The following LYSMD3 variants were observed in gnomAD, a reference collection of about 807,000 sequenced individuals.
LYSMD3 encodes lysM and putative peptidoglycan-binding domain-containing protein 3.
In LYSMD3, 13 loss-of-function variants were observed where a neutral mutation model predicts 26.1. The ratio of observed to expected loss-of-function variants is 0.50; its 90% CI spans 0.32 to 0.79. LYSMD3 has a LOEUF of 0.79. Ranked by LOEUF, LYSMD3 falls within the 30% of genes least tolerant of loss-of-function variation. The pLI, the probability that LYSMD3 is intolerant of heterozygous loss-of-function variation, is 0.03. For synonymous variants in LYSMD3, 109 were observed against 119.4 expected, an observed-to-expected ratio of 0.91 and a Z score of 0.57; for missense variants, 331 against 362.5, an observed-to-expected ratio of 0.91 and a Z score of 0.71.
Position 90,519,154 on chromosome 5 carries a change from A to G in LYSMD3, c.586T>C (p.Phe196Leu). The change falls in exon 3 of 3, where the codon TTT (phenylalanine) becomes CTT (leucine). Residue 196 changes from phenylalanine to leucine, a missense_variant. Around this residue, in one of 3 missense-constraint regions of LYSMD3, gnomAD observed 262 missense variants for 267.3 expected, o/e 0.98. Transcript: ENST00000315948. ...VSALTAQQMRFEPDNKNTQRK... is the reference protein window; with the variant it reads ...VSALTAQQMRLEPDNKNTQRK... ...TGAGTGTTTTTGTTATCAGGTTCAA[A>G]ACGCATTTGTTGTGCTGTTAAGGCC... is the stretch of plus-strand genomic sequence containing the variant. 2 of 1,614,080 alleles carry G rather than the reference A, an allele frequency of 1.2e-6. No homozygotes were observed. The highest frequency in any genetic ancestry group is 1.7e-6 in the Non-Finnish European group (2 of 1,179,970).
intron 1 of LYSMD3, among the ~76,000 whole-genome samples, chr5:90,526,445 C>G (rs1396127518): frequency 6.6e-6 from 1 of 152,216 alleles, no homozygotes; most frequent in East Asian, 1.9e-4. Flanking sequence ...TACTAACTCT[C>G]AACTCACCAT....
At chr5:90,526,311 A>G (rs1393763676) in intron 1 of LYSMD3, among the ~76,000 whole-genome samples, 1 of 152,214 alleles carries the variant, frequency 6.6e-6, no homozygotes, top group Non-Finnish European at 1.5e-5. Flanking sequence ...TATGGTCCAT[A>G]AAGACTGTGA....
intron 2 of LYSMD3, among the ~76,000 whole-genome samples, chr5:90,524,597 T>C (rs1391891278): frequency 2.0e-5 from 3 of 152,212 alleles, no homozygotes; most frequent in African/African-American, 4.8e-5. Flanking sequence ...ATTTCTTTTT[T>C]CTTTCCTTTT....
chr5:90,524,280 A>G (rs529821877), intron 2 of LYSMD3, among the ~76,000 whole-genome samples: 1 of 152,242 alleles, frequency 6.6e-6, no homozygotes, highest in Non-Finnish European at 1.5e-5. Flanking sequence ...AGTAAAATGC[A>G]TAATATAATC....
Position 90,516,649 on chromosome 5 carries a change from T to C in LYSMD3, c.*2170A>G, listed in dbSNP as rs974994937. 1 of 152,310 alleles carries C rather than the reference T, an allele frequency of 6.6e-6. No individual in the cohort carries two copies. Among genetic ancestry groups the C allele is most frequent in the African/African-American group, 2.4e-5 (1 of 41,428 alleles). The allele number at this position is 152,310 out of a possible 1,614,324, so 9.4% of individuals were successfully genotyped here. ...AACAGATTAGAACCATAATTCAATATGTAACCTTTATATAGAATTATATGT... is the reference window on the plus strand; with the variant it reads ...AACAGATTAGAACCATAATTCAATACGTAACCTTTATATAGAATTATATGT... On this transcript the variant is annotated 3_prime_UTR_variant, in exon 3 of 3. Transcript: ENST00000315948.
intron 2 of LYSMD3, 82 bp from the exon 3 acceptor site, chr5:90,519,566 T>C: frequency 7.2e-7 from 1 of 1,390,566 alleles, no homozygotes; most frequent in Non-Finnish European, 9.6e-7. Context: ...CTAGTTACTT[T>C]TGGAGGAAAA....
In LYSMD3 at chr5:90,515,921, C is replaced by T. The variant is rs190726263; in HGVS notation, c.*2898G>A. On this transcript the variant is annotated 3_prime_UTR_variant, in exon 3 of 3. Transcript: ENST00000315948. ...AATTAAAAATGAATCCATCAGTGCA[C>T]CATTTAAATACAGACTTTAAAAAAC... The T allele has an allele frequency of 6.6e-6, 1 of 152,232 alleles. No individual in the cohort carries two copies. Among genetic ancestry groups the T allele is most frequent in the East Asian group, 1.9e-4 (1 of 5,190 alleles). The allele number at this position is 152,232 out of a possible 1,614,324, so 9.4% of individuals were successfully genotyped here.
intron 1 of LYSMD3, 118 bp downstream of exon 1, chr5:90,529,330 G>A: frequency 2.2e-6 from 1 of 450,912 alleles, no homozygotes; most frequent in East Asian, 7.0e-5. Context: ...GCCGAGCCCG[G>A]CCCTGCAGCC....
rs945530619 is a variant in LYSMD3, at chr5:90,520,645, C to T, written c.256-1161G>A. ...AAAAATGTAATTGAAGTCAGCCAGA[C>T]GTGGTGGCTCATGCCTGTAATCCCA... On this transcript the variant is annotated intron_variant, in intron 2 of 2. Coordinates refer to ENST00000315948, the MANE Select transcript of LYSMD3 (RefSeq NM_198273.2). Among the ~76,000 whole-genome samples, 7 of 152,116 alleles carry T rather than the reference C, an allele frequency of 4.6e-5. No homozygotes were observed. In the South Asian group the frequency reaches 8.3e-4, roughly 18 times the overall value.
intron 2 of LYSMD3, among the ~76,000 whole-genome samples, chr5:90,521,749 A>G (rs1191084729): frequency 6.6e-6 from 1 of 152,058 alleles, no homozygotes; most frequent in East Asian, 1.9e-4. Flanking sequence ...GAATATCCCT[A>G]TAATGACTTC....
chr5:90,519,790 C>A (rs991780562), intron 2 of LYSMD3, among the ~76,000 whole-genome samples: 2 of 151,876 alleles, frequency 1.3e-5, no homozygotes, highest in African/African-American at 4.8e-5. Context: ...TGCATAAATA[C>A]CACAGTCCTT....
rs200838549 is a variant in LYSMD3 at position 90,525,212 on chromosome 5, A to C, written c.78T>G (p.Asn26Lys). Residue 26 changes from asparagine to lysine, a missense_variant, in exon 2 of 3, where the codon AAT (asparagine) becomes AAG (lysine). By Grantham distance (94) the Asn-to-Lys change is moderately conservative. Coordinates refer to ENST00000315948, the MANE Select transcript of LYSMD3 (RefSeq NM_198273.2). ...QSSGQVHAFG[N>K]CSDSDILEED... ...CCTCCAAAATATCACTGTCTGAACA[A>C]TTTCCAAATGCATGTACTTGACCAC... is the stretch of plus-strand genomic sequence containing the variant. 2.2e-4 allele frequency: 361 copies of C among 1,613,996 alleles called. 4 individuals carry two copies. The South Asian group carries it at 3.7e-3, about 16-fold the overall frequency.
chr5:90,529,182 G>A (rs141348465), intron 1 of LYSMD3, among the ~76,000 whole-genome samples: 1 of 152,194 alleles, frequency 6.6e-6, no homozygotes, highest in Non-Finnish European at 1.5e-5. Context: ...CTGTGTTTGG[G>A]TGGGAAATTA....
chr5:90,525,310 A>C lies in LYSMD3; in HGVS notation c.-11-10T>G. The C allele has an allele frequency of 6.4e-7, 1 of 1,566,522 alleles. No homozygotes were observed. Among genetic ancestry groups the C allele is most frequent in the East Asian group, 2.2e-5 (1 of 44,532 alleles). ...GCCATAATGTTAAAATCTGGAGGAA[A>C]AAAAAAGCAGAGAAAATTTTGGAAT... On this transcript the variant is annotated splice_polypyrimidine_tract_variant and intron_variant, in intron 1 of 2. Coordinates refer to ENST00000315948, the MANE Select transcript of LYSMD3 (RefSeq NM_198273.2).
Position 90,518,484 on chromosome 5 carries a change from T to G in LYSMD3, c.*335A>C. On this transcript the variant is annotated 3_prime_UTR_variant, in exon 3 of 3. Coordinates refer to ENST00000315948, the MANE Select transcript of LYSMD3 (RefSeq NM_198273.2). ...GATGCTATCATTCTGCATCATAAAT[T>G]TAACATTAATAAACTTTTTAAAAAT... is the stretch of plus-strand genomic sequence containing the variant. The G allele has an allele frequency of 5.2e-6, 1 of 191,824 alleles. No homozygotes were observed. The highest frequency in any genetic ancestry group is 1.1e-5 in the Non-Finnish European group (1 of 94,284). The allele number at this position is 191,824 out of a possible 1,614,324, so 11.9% of individuals were successfully genotyped here. A position where few individuals can be genotyped will look rare whatever the true frequency, so the allele number is the denominator to read the frequency against.
At position 90,517,490 on chromosome 5, in the gene LYSMD3, C is replaced by T. The variant is rs895017813; in HGVS notation, c.*1329G>A. 1.3e-5 allele frequency: 2 copies of T among 151,932 alleles called. No individual in the cohort carries two copies. The highest frequency in any genetic ancestry group is 2.1e-4 in the South Asian group (1 of 4,828). 9.4% of individuals were successfully genotyped at this position (151,932 alleles called of 1,614,324 possible). ...TCTGGTTACATTTTTAAAACACATACTTTTAAAGATTAAATGATGGAATCA... is the reference window on the plus strand; with the variant it reads ...TCTGGTTACATTTTTAAAACACATATTTTTAAAGATTAAATGATGGAATCA... On this transcript the variant is annotated 3_prime_UTR_variant, in exon 3 of 3. Transcript: ENST00000315948.
rs1431988271 is a variant in LYSMD3, at chr5:90,517,202, C to T, written c.*1617G>A. On this transcript the variant is annotated 3_prime_UTR_variant, in exon 3 of 3. Coordinates refer to ENST00000315948, the MANE Select transcript of LYSMD3 (RefSeq NM_198273.2). ...ATTGTCTAAGGTCCTCTAATATTTG[C>T]AAGGGCTTTAATGTTTGACTTCTTT... is the stretch of plus-strand genomic sequence containing the variant. 6.6e-6 allele frequency: 1 copy of T among 152,340 alleles called. No homozygotes were observed. The highest frequency in any genetic ancestry group is 2.4e-5 in the African/African-American group (1 of 41,426). The allele number at this position is 152,340 out of a possible 1,614,324, so 9.4% of individuals were successfully genotyped here. A position where few individuals can be genotyped will look rare whatever the true frequency, so the allele number is the denominator to read the frequency against.
intron 2 of LYSMD3, among the ~76,000 whole-genome samples, chr5:90,523,046 G>C (rs941505732): frequency 3.3e-5 from 5 of 152,074 alleles, no homozygotes; most frequent in Non-Finnish European, 7.4e-5. Flanking sequence ...TTAGCCTTGT[G>C]TCTCATTTTG....
chr5:90,523,805 G>A (rs1336672335), intron 2 of LYSMD3, among the ~76,000 whole-genome samples: 1 of 151,974 alleles, frequency 6.6e-6, no homozygotes. Flanking sequence ...TGTGCAATGA[G>A]GTACATAGTA....
Sources: gnomAD v4.1 joint callset for allele counts (sites outside exome capture counted in the v4.1 genomes callset) on GRCh38, gnomAD v4.1.1 for gene constraint, gnomAD v4.1.1 regional missense constraint, MANE v1.5 for transcripts, NCBI Gene and HGNC (gene_info 2026-07-23, HGNC 2026-07-21) for gene names.